VAV2: variants seen among roughly 807,000 people sequenced by gnomAD.
VAV2 encodes the protein vav guanine nucleotide exchange factor 2.
Under a neutral mutation model 132.5 loss-of-function variants are expected in VAV2, and 67 were observed. The observed-to-expected ratio is 0.51, with a 90% CI of 0.42 to 0.62. The LOEUF is 0.62. VAV2 is among the 20% of genes least tolerant of loss of function. The pLI, the probability that VAV2 is intolerant of heterozygous loss-of-function variation, is 0.00. For synonymous variants in VAV2, 492 were observed against 443.5 expected (o/e 1.11, Z -1.37); for missense variants, 938 against 1,153.6 (o/e 0.81, Z 2.71).
At chr9:133,955,885 T>C (rs192394160) in intron 1 of VAV2, among the ~76,000 whole-genome samples, 162 of 146,090 alleles carry the variant, frequency 1.1e-3, no homozygotes, top group African/African-American at 4.1e-3. Context: ...CAGCTCAGGC[T>C]GCTCCGTGAA....
At chr9:133,852,211 TAGAC>T (rs1410650762) in intron 3 of VAV2, among the ~76,000 whole-genome samples, 1 of 151,388 alleles carries the variant, frequency 6.6e-6, no homozygotes, top group Non-Finnish European at 1.5e-5. Flanking sequence ...GACTGATGAA[TAGAC>T]AGGGAGATGG....
At chr9:133,984,634 A>G (rs1842794364) in intron 1 of VAV2, among the ~76,000 whole-genome samples, 1 of 150,790 alleles carries the variant, frequency 6.6e-6, no homozygotes, top group Non-Finnish European at 1.5e-5. Flanking sequence ...CATAATAAGA[A>G]TATTTCTTCA....
intron 1 of VAV2, among the ~76,000 whole-genome samples, chr9:133,967,589 A>G (rs1467037361): frequency 6.6e-6 from 1 of 152,214 alleles, no homozygotes; most frequent in Non-Finnish European, 1.5e-5. Context: ...AGCAATGTGG[A>G]TGGAACTAGA....
At chr9:133,773,743 AT>A (rs879485577) in intron 25 of VAV2, among the ~76,000 whole-genome samples, 2 of 152,060 alleles carry the variant, frequency 1.3e-5, no homozygotes, top group Non-Finnish European at 2.9e-5. Context: ...ACAATTAAGT[AT>A]TTTTTTGCTG....
rs1267261997 is a variant in VAV2, at chr9:133,926,432, T to C, written c.321+12671A>G. 1 of 152,308 alleles carries C rather than the reference T, an allele frequency of 6.6e-6. No individual in the cohort carries two copies. Among genetic ancestry groups the C allele is most frequent in the Non-Finnish European group, 1.5e-5 (1 of 68,126 alleles). The allele number at this position is 152,308 out of a possible 1,614,324, so 9.4% of individuals were successfully genotyped here. A position where few individuals can be genotyped will look rare whatever the true frequency, so the allele number is the denominator to read the frequency against. On this transcript the variant is annotated intron_variant, in intron 2 of 29. Coordinates refer to ENST00000371850, the MANE Select transcript of VAV2 (RefSeq NM_001134398.2). This position sits in a 1 kb window ranked among gnomAD's most constrained non-coding sequence, Gnocchi z 4.3. ...TATTACTAATTCCAACAACCTGGCT[T>C]GCAGCTTTAGATCGTGGGTCTCCCT...
At chr9:133,938,348 A>T (rs1414300809) in intron 2 of VAV2, among the ~76,000 whole-genome samples, 1 of 152,156 alleles carries the variant, frequency 6.6e-6, no homozygotes, top group African/African-American at 2.4e-5. Context: ...GATCCCATCC[A>T]TTTAAAAAGA....
At chr9:133,793,658 T>C (rs1034402287) in intron 12 of VAV2, among the ~76,000 whole-genome samples, 1 of 152,166 alleles carries the variant, frequency 6.6e-6, no homozygotes, top group Non-Finnish European at 1.5e-5. Context: ...CAGATGGAAG[T>C]TGCCCGAATG....
At chr9:133,813,115 C>T (rs979475955) in intron 4 of VAV2, among the ~76,000 whole-genome samples, 7 of 152,238 alleles carry the variant, frequency 4.6e-5, no homozygotes, top group African/African-American at 1.7e-4. Flanking sequence ...TCCCACAGGC[C>T]CCGTTGGGGG....
intron 8 of VAV2, among the ~76,000 whole-genome samples, chr9:133,806,913 C>T (rs1035037361): frequency 6.6e-5 from 10 of 152,246 alleles, no homozygotes; most frequent in African/African-American, 1.9e-4. Flanking sequence ...TTCAGACACC[C>T]GCAGGGCAGG....
intron 3 of VAV2, among the ~76,000 whole-genome samples, chr9:133,847,977 G>A (rs1452687738): frequency 6.6e-6 from 1 of 152,148 alleles, no homozygotes; most frequent in Non-Finnish European, 1.5e-5. Flanking sequence ...GTCTCCTCAT[G>A]TAAAGATCCA....
chr9:133,814,391 C>T (rs1588212723), intron 4 of VAV2, among the ~76,000 whole-genome samples: 2 of 152,228 alleles, frequency 1.3e-5, no homozygotes, highest in East Asian at 1.9e-4. Context: ...CCCACGTTTC[C>T]GTCACGTGGC....
intron 19 of VAV2, among the ~76,000 whole-genome samples, chr9:133,781,201 G>A (rs1363794688): frequency 6.6e-6 from 1 of 152,202 alleles, no homozygotes; most frequent in Non-Finnish European, 1.5e-5. Flanking sequence ...CATGCTACCT[G>A]CTTGCCATCC....
At chr9:133,984,917 A>C (rs1051299017) in intron 1 of VAV2, among the ~76,000 whole-genome samples, 1 of 152,080 alleles carries the variant, frequency 6.6e-6, no homozygotes, top group African/African-American at 2.4e-5. Flanking sequence ...CAAAAAAAAA[A>C]AAAAGCATAG....
At chr9:133,817,736 A>G (rs749969826) in intron 4 of VAV2, among the ~76,000 whole-genome samples, 4 of 152,224 alleles carry the variant, frequency 2.6e-5, no homozygotes, top group Admixed American at 6.5e-5. Flanking sequence ...TGTTCATTTC[A>G]GATATCGTGC....
intron 4 of VAV2, among the ~76,000 whole-genome samples, chr9:133,827,635 G>GT (rs1836075970): frequency 3.4e-4 from 1 of 2,952 alleles, no homozygotes; most frequent in African/African-American, 8.6e-4. Context: ...ACCACTGAGT[G>GT]GGGGCATCAC....
intron 2 of VAV2, among the ~76,000 whole-genome samples, chr9:133,887,933 C>A (rs545183448): frequency 1.2e-4 from 18 of 152,224 alleles, no homozygotes; most frequent in Admixed American, 3.9e-4. Context: ...CGTAGAGCAA[C>A]GCAGCGTCCA....
At chr9:133,814,415 C>A (rs558918034) in intron 4 of VAV2, among the ~76,000 whole-genome samples, 95 of 152,294 alleles carry the variant, frequency 6.2e-4, no homozygotes, top group African/African-American at 2.0e-3. Flanking sequence ...GCGAGGCTGG[C>A]GGCAAAGCCT....
At chr9:133,848,605 CTT>C (rs1285614344) in intron 3 of VAV2, among the ~76,000 whole-genome samples, 2 of 152,262 alleles carry the variant, frequency 1.3e-5, no homozygotes, top group African/African-American at 4.8e-5. Flanking sequence ...TCCTTCCTCT[CTT>C]GTCGAAACGC....
At position 133,929,754 on chromosome 9, in the gene VAV2, C is replaced by T. The variant is rs559485570; in HGVS notation, c.321+9349G>A. Among the ~76,000 whole-genome samples, 10 of 152,200 alleles carry T rather than the reference C, an allele frequency of 6.6e-5. No homozygotes were observed. In the East Asian group the frequency reaches 1.6e-3, roughly 24 times the overall value. On this transcript the variant is annotated intron_variant, in intron 2 of 29. Coordinates refer to ENST00000371850, the MANE Select transcript of VAV2 (RefSeq NM_001134398.2). ...CTCCCTCATCCTGGACGTAGTGATG[C>T]GGCCTGTCCCCACCACCAGCGACCC...
Sources: gnomAD v4.1 joint callset for allele counts (sites outside exome capture counted in the v4.1 genomes callset) on GRCh38, gnomAD v4.1.1 for gene constraint, Gnocchi (gnomAD v3.1) non-coding constraint, MANE v1.5 for transcripts, NCBI Gene and HGNC (gene_info 2026-07-23, HGNC 2026-07-21) for gene names.